RAB20: variants seen among roughly 807,000 people sequenced by gnomAD.
RAB20 encodes RAB20, member RAS oncogene family.
In RAB20, 2 loss-of-function variants were observed where a neutral mutation model predicts 3.7. That is an observed-to-expected ratio of 0.54 (90% CI 0.22 to 1.69). RAB20 has a LOEUF of 1.69. Among genes scored for constraint, RAB20 ranks in the 40% most tolerant of loss-of-function variants. RAB20 has a pLI of 0.19. For missense variants in RAB20, 276 were observed against 311.9 expected (o/e 0.88, Z 0.87); for synonymous variants, 126 against 130.8 (o/e 0.96, Z 0.25).
At chr13:110,539,029 A>C (rs1287226512) in intron 1 of RAB20, among the ~76,000 whole-genome samples, 1 of 152,248 alleles carries the variant, frequency 6.6e-6, no homozygotes, top group Non-Finnish European at 1.5e-5. Context: ...GCCAGAAGAA[A>C]GAACTAAAAC....
intron 1 of RAB20, among the ~76,000 whole-genome samples, chr13:110,526,276 G>A (rs753037833): frequency 6.6e-6 from 1 of 152,258 alleles, no homozygotes; most frequent in Non-Finnish European, 1.5e-5. Context: ...GGGCACTGGC[G>A]CAGAGAGAGG....
chr13:110,526,951 C>A (rs1830204031), intron 1 of RAB20, among the ~76,000 whole-genome samples: 1 of 152,138 alleles, frequency 6.6e-6, no homozygotes, highest in Non-Finnish European at 1.5e-5. Flanking sequence ...GAGAAGGGGT[C>A]CTGGGCTTGT....
chr13:110,546,469 G>C (rs926599679), intron 1 of RAB20, among the ~76,000 whole-genome samples: 3 of 152,196 alleles, frequency 2.0e-5, no homozygotes, highest in African/African-American at 4.8e-5. Flanking sequence ...TGAGATGGTA[G>C]CGTCCCGAAA....
At position 110,561,640 on chromosome 13, in the gene RAB20, C is replaced by G; in HGVS notation, c.-121G>C. On this transcript the variant is annotated 5_prime_UTR_variant, in exon 1 of 2. Coordinates refer to ENST00000267328, the MANE Select transcript of RAB20 (RefSeq NM_017817.3). ...GCCGGGACCCGGATTCTCGTGAACG[C>G]TCCGGGACCTTCGCCTCCGGACGCC... 1 of 1,425,158 alleles carries G rather than the reference C, an allele frequency of 7.0e-7. No homozygotes were observed. The highest frequency in any genetic ancestry group is 9.2e-7 in the Non-Finnish European group (1 of 1,087,542). 88.3% of individuals were successfully genotyped at this position (1,425,158 alleles called of 1,614,324 possible). A position where few individuals can be genotyped will look rare whatever the true frequency, so the allele number is the denominator to read the frequency against.
Position 110,555,978 on chromosome 13 carries a change from CA to C in RAB20, c.172+5369del, listed in dbSNP as rs913233375. 5.3e-5 allele frequency among the ~76,000 whole-genome samples: 8 copies of C among 152,330 alleles called. No individual in the cohort carries two copies. Among genetic ancestry groups the C allele is most frequent in the African/African-American group, 1.9e-4 (8 of 41,588 alleles). ...AGGCCAGGAGACAATGTTTGTTTAGCAAAACTCACATGGTACTTCCTCATTC... is the reference window on the plus strand; with the variant it reads ...AGGCCAGGAGACAATGTTTGTTTAGCAAACTCACATGGTACTTCCTCATTC... On this transcript the variant is annotated intron_variant, in intron 1 of 1. Transcript: ENST00000267328. This position sits in a 1 kb window ranked among gnomAD's most constrained non-coding sequence, Gnocchi z 4.0.
chr13:110,531,615 C>T (rs997676828), intron 1 of RAB20, among the ~76,000 whole-genome samples: 6 of 152,168 alleles, frequency 3.9e-5, no homozygotes, highest in Non-Finnish European at 7.3e-5. Flanking sequence ...GGAGCTGCAC[C>T]CAGCACATTA....
rs1310299816 is a variant in RAB20 at position 110,555,373 on chromosome 13, C to T, written c.172+5975G>A. ...GGCTCCAGTCCTCTCCATTCCACAC[C>T]ACAGAGTCCCCCATTTTCTCAGTCC... On this transcript the variant is annotated intron_variant, in intron 1 of 1. Coordinates refer to ENST00000267328, the MANE Select transcript of RAB20 (RefSeq NM_017817.3). This position sits in a 1 kb window ranked among gnomAD's most constrained non-coding sequence, Gnocchi z 4.0. 6.6e-6 allele frequency among the ~76,000 whole-genome samples: 1 copy of T among 152,162 alleles called. No individual in the cohort carries two copies. Among genetic ancestry groups the T allele is most frequent in the African/African-American group, 2.4e-5 (1 of 41,446 alleles).
chr13:110,558,905 C>G (rs896192634), intron 1 of RAB20, among the ~76,000 whole-genome samples: 1 of 150,868 alleles, frequency 6.6e-6, no homozygotes, highest in Non-Finnish European at 1.5e-5. Flanking sequence ...ACCATGTTAG[C>G]CAGGATGGTC....
intron 1 of RAB20, among the ~76,000 whole-genome samples, chr13:110,554,732 C>A (rs1594139649): frequency 6.6e-6 from 1 of 152,196 alleles, no homozygotes; most frequent in East Asian, 1.9e-4. Flanking sequence ...TAGGAAAGAG[C>A]CTGCATGAGC....
chr13:110,561,247 G>A (rs1885123825), intron 1 of RAB20, 101 bp downstream of exon 1: 1 of 1,389,490 alleles, frequency 7.2e-7, no homozygotes, highest in South Asian at 1.5e-5. Flanking sequence ...GCTGTCCGAG[G>A]CCGGGACCCT....
Position 110,561,598 on chromosome 13 carries a change from G to A in RAB20, c.-79C>T, listed in dbSNP as rs528805994. The stretch of plus-strand genomic sequence containing the variant: ...TCGTGCGCCCTGGGCGCAGCTGGAG[G>A]AGCGGACCCCGGACTCGCCGGGACC... On this transcript the variant is annotated 5_prime_UTR_variant, in exon 1 of 2. Transcript: ENST00000267328. 3.8e-4 allele frequency: 565 copies of A among 1,490,574 alleles called. 1 individual carries two copies. In the African/African-American group the frequency reaches 4.0e-3, roughly 11 times the overall value. The allele number at this position is 1,490,574 out of a possible 1,614,324, so 92.3% of individuals were successfully genotyped here. A position where few individuals can be genotyped will look rare whatever the true frequency, so the allele number is the denominator to read the frequency against.
Position 110,561,375 on chromosome 13 carries a change from A to T in RAB20, c.145T>A (p.Tyr49Asn). The change falls in exon 1 of 2, where the codon TAC (tyrosine) becomes AAC (asparagine). Residue 49 changes from tyrosine to asparagine, a missense_variant. Tyr to Asn is a moderately radical substitution (Grantham distance 143). Coordinates refer to ENST00000267328, the MANE Select transcript of RAB20 (RefSeq NM_017817.3). ...GAFYLKQWRSYNISIWDTAGR... is the reference protein window; with the variant it reads ...GAFYLKQWRSNNISIWDTAGR... ...GCGGTGTCCCAGATGGAGATGTTGTAGGAGCGCCACTGCTTCAGGTAGAAG... is the reference window on the plus strand; with the variant it reads ...GCGGTGTCCCAGATGGAGATGTTGTTGGAGCGCCACTGCTTCAGGTAGAAG... 1 of 1,608,418 alleles carries T rather than the reference A, an allele frequency of 6.2e-7. No individual in the cohort carries two copies. The highest frequency in any genetic ancestry group is 8.5e-7 in the Non-Finnish European group (1 of 1,177,614).
intron 1 of RAB20, among the ~76,000 whole-genome samples, chr13:110,544,842 C>T (rs886764318): frequency 6.6e-6 from 1 of 152,218 alleles, no homozygotes; most frequent in Non-Finnish European, 1.5e-5. Flanking sequence ...CCGTTCAAAT[C>T]TCAACTTGAA....
At chr13:110,529,290 C>T (rs1884488532) in intron 1 of RAB20, among the ~76,000 whole-genome samples, 1 of 152,238 alleles carries the variant, frequency 6.6e-6, no homozygotes, top group Non-Finnish European at 1.5e-5. Flanking sequence ...CAGCCCCCTG[C>T]TGCCAACCCC....
chr13:110,533,805 G>A (rs1226490320), intron 1 of RAB20, among the ~76,000 whole-genome samples: 2 of 152,240 alleles, frequency 1.3e-5, no homozygotes, highest in African/African-American at 4.8e-5. Context: ...GTGCAGTAAG[G>A]AAGGCCCACA....
intron 1 of RAB20, among the ~76,000 whole-genome samples, chr13:110,547,568 C>T (rs887611275): frequency 6.6e-6 from 1 of 152,186 alleles, no homozygotes; most frequent in Admixed American, 6.5e-5. Context: ...ACTTTAGGAT[C>T]CAAGTCACTT....
Position 110,561,510 on chromosome 13 carries a change from G to A in RAB20, c.10C>T (p.Pro4Ser). 3 of 1,575,610 alleles carry A rather than the reference G, an allele frequency of 1.9e-6. No individual in the cohort carries two copies. Among genetic ancestry groups the A allele is most frequent in the Non-Finnish European group, 2.6e-6 (3 of 1,161,318 alleles). ...CCCAGGAGCACGATCTTGCTGTCGG[G>A]CTTCCTCATCTTCCCGTAAGAACCC... MRK[P>S]DSKIVLLGDM... The change falls in exon 1 of 2, where the codon CCC (proline) becomes TCC (serine). Residue 4 changes from proline (P) to serine (S), a missense_variant. Pro to Ser is a moderately conservative substitution (Grantham distance 74). Coordinates refer to ENST00000267328, the MANE Select transcript of RAB20 (RefSeq NM_017817.3).
At chr13:110,556,389 A>G (rs1207370156) in intron 1 of RAB20, among the ~76,000 whole-genome samples, 1 of 152,226 alleles carries the variant, frequency 6.6e-6, no homozygotes, top group Admixed American at 6.5e-5. Context: ...TCCAGAAGCT[A>G]GGAAAGTCTA....
In RAB20 at chr13:110,546,376, C is replaced by T. The variant is rs369664626; in HGVS notation, c.172+14972G>A. ...TTGATTCATCTAAAAAGAAAACCTG[C>T]TGATCCCAAATACAGCTGTGAGGGA... On this transcript the variant is annotated intron_variant, in intron 1 of 1. Coordinates refer to ENST00000267328, the MANE Select transcript of RAB20 (RefSeq NM_017817.3). Among the ~76,000 whole-genome samples, 56 of 152,292 alleles carry T rather than the reference C, an allele frequency of 3.7e-4. No homozygotes were observed. The South Asian group carries it at 0.01, about 28-fold the overall frequency.
Sources: gnomAD v4.1 joint callset for allele counts (sites outside exome capture counted in the v4.1 genomes callset) on GRCh38, gnomAD v4.1.1 for gene constraint, Gnocchi (gnomAD v3.1) non-coding constraint, MANE v1.5 for transcripts, NCBI Gene and HGNC (gene_info 2026-07-23, HGNC 2026-07-21) for gene names.